Variants in ROBO1 observed in about 807,000 individuals in gnomAD.
ROBO1 encodes the protein roundabout homolog 1.
A neutral mutation model predicts 195.9 loss-of-function variants in ROBO1; 149 were observed. That is an observed-to-expected ratio of 0.76 (90% CI 0.67 to 0.87). The LOEUF (loss-of-function observed/expected upper bound fraction) is 0.87, where lower values mean the gene tolerates loss of function less well. Ranked by LOEUF, ROBO1 falls within the 40% of genes least tolerant of loss-of-function variation. The pLI, the probability that ROBO1 is intolerant of heterozygous loss-of-function variation, is 0.00. For missense variants in ROBO1, 1,933 were observed against 2,068.3 expected (o/e 0.93, Z 1.27); for synonymous variants, 816 against 733.2 (o/e 1.11, Z -1.82).
chr3:79,441,675 T>C (rs1318503042), intron 2 of ROBO1, among the ~76,000 whole-genome samples: 1 of 152,102 alleles, frequency 6.6e-6, no homozygotes, highest in Non-Finnish European at 1.5e-5. Flanking sequence ...TTAGATATAA[T>C]GATATGACTC....
At chr3:79,494,902 C>T (rs1010889387) in intron 2 of ROBO1, among the ~76,000 whole-genome samples, 1 of 152,078 alleles carries the variant, frequency 6.6e-6, no homozygotes, top group Non-Finnish European at 1.5e-5. Context: ...GGGAGGCTTC[C>T]GATAATGATC....
intron 2 of ROBO1, among the ~76,000 whole-genome samples, chr3:79,327,684 T>C (rs2034267882): frequency 6.6e-6 from 1 of 152,144 alleles, no homozygotes; most frequent in African/African-American, 2.4e-5. Flanking sequence ...TTTGTGTGTG[T>C]ATTTCAAGCA....
intron 1 of ROBO1, among the ~76,000 whole-genome samples, chr3:79,738,018 G>A (rs1167694967): frequency 1.3e-5 from 2 of 152,122 alleles, no homozygotes; most frequent in Non-Finnish European, 2.9e-5. Context: ...CCTTTGAGGA[G>A]TGACAATGTA....
At chr3:79,711,176 A>G (rs888722195) in intron 1 of ROBO1, among the ~76,000 whole-genome samples, 5 of 152,150 alleles carry the variant, frequency 3.3e-5, no homozygotes, top group Non-Finnish European at 5.9e-5. Flanking sequence ...TCTTGCACTT[A>G]GTTTGACCTC....
At chr3:78,709,384 G>A (rs1275529939) in intron 8 of ROBO1, among the ~76,000 whole-genome samples, 1 of 151,910 alleles carries the variant, frequency 6.6e-6, no homozygotes. Flanking sequence ...CAAGTTAAAG[G>A]AATCAGGATA....
At chr3:78,682,933 G>A (rs1407328565) in intron 10 of ROBO1, among the ~76,000 whole-genome samples, 2 of 151,542 alleles carry the variant, frequency 1.3e-5, no homozygotes, top group Admixed American at 6.6e-5. Context: ...TGTTTCAGCT[G>A]CACATAAAAA....
chr3:79,731,353 G>A (rs547924716), intron 1 of ROBO1, among the ~76,000 whole-genome samples: 2 of 152,240 alleles, frequency 1.3e-5, no homozygotes, highest in Admixed American at 1.3e-4. Flanking sequence ...CATCTGTAAA[G>A]CATGTAAAGT....
intron 26 of ROBO1, among the ~76,000 whole-genome samples, chr3:78,626,070 A>C (rs1704757646): frequency 6.6e-6 from 1 of 152,170 alleles, no homozygotes; most frequent in Admixed American, 6.5e-5. Flanking sequence ...AGAGCTAGCC[A>C]GAAAGAAAAT....
At position 79,098,160 on chromosome 3, in the gene ROBO1, A is replaced by T. The variant is rs144199513; in HGVS notation, c.172+27296T>A. On this transcript the variant is annotated intron_variant, in intron 3 of 30. Transcript: ENST00000464233. The stretch of plus-strand genomic sequence containing the variant: ...CACAGATGAGATTTATAGGCTGAGG[A>T]ATGACCCATATGTCTGCTCACTTTC... Among the ~76,000 whole-genome samples, 588 of 151,934 alleles carry T rather than the reference A, an allele frequency of 3.9e-3. 2 individuals carry two copies. Among genetic ancestry groups the T allele is most frequent in the Non-Finnish European group, 5.9e-3 (398 of 67,838 alleles).
In ROBO1 at chr3:78,953,000, T is replaced by C. The variant is rs528689045; in HGVS notation, c.173-14073A>G. On this transcript the variant is annotated intron_variant, in intron 3 of 30. Transcript: ENST00000464233. The stretch of plus-strand genomic sequence containing the variant: ...TTCCAGGAGTGAATGCCTGGTGTTT[T>C]TGTAATATTCCTAAAGAATCTAATA... Among the ~76,000 whole-genome samples, 315 of 152,164 alleles carry C rather than the reference T, an allele frequency of 2.1e-3. 1 individual carries two copies. The highest frequency in any genetic ancestry group is 7.4e-3 in the African/African-American group (307 of 41,552).
At chr3:78,656,803 T>C (rs1707054932) in intron 18 of ROBO1, among the ~76,000 whole-genome samples, 2 of 152,216 alleles carry the variant, frequency 1.3e-5, no homozygotes, top group Admixed American at 6.5e-5. Flanking sequence ...ACATTGAATA[T>C]TGACAACCTT....
chr3:78,898,140 C>CATAT (rs759399986), intron 4 of ROBO1, among the ~76,000 whole-genome samples: 55 of 145,652 alleles, frequency 3.8e-4, no homozygotes, highest in Middle Eastern at 3.7e-3. Context: ...AGTTCTAAAA[C>CATAT]ATATATATAT....
At chr3:78,780,775 CT>C (rs1165470246) in intron 4 of ROBO1, among the ~76,000 whole-genome samples, 1 of 152,096 alleles carries the variant, frequency 6.6e-6, no homozygotes, top group African/African-American at 2.4e-5. Flanking sequence ...TTCATTTCTG[CT>C]GCTTCTCCTC....
chr3:78,733,399 G>GC (rs984658571), intron 5 of ROBO1, among the ~76,000 whole-genome samples: 1 of 150,026 alleles, frequency 6.7e-6, no homozygotes, highest in African/African-American at 2.4e-5. Flanking sequence ...TGTACTATTT[G>GC]TTTTTTTTTA....
intron 3 of ROBO1, among the ~76,000 whole-genome samples, chr3:79,069,743 A>G (rs2079056726): frequency 6.6e-6 from 1 of 151,914 alleles, no homozygotes; most frequent in African/African-American, 2.4e-5. Context: ...TAAGTTTCTT[A>G]TCCTTTCTGT....
intron 4 of ROBO1, among the ~76,000 whole-genome samples, chr3:78,877,012 C>T (rs528253386): frequency 3.9e-5 from 6 of 152,174 alleles, no homozygotes; most frequent in African/African-American, 9.6e-5. Context: ...AATCTCTGCA[C>T]ATTCAATAGG....
At chr3:79,707,317 T>C (rs1181176839) in intron 1 of ROBO1, among the ~76,000 whole-genome samples, 1 of 152,176 alleles carries the variant, frequency 6.6e-6, no homozygotes, top group Non-Finnish European at 1.5e-5. Context: ...ATTATCCTTT[T>C]AATCTCCACA....
At chr3:78,855,801 T>C (rs1438635587) in intron 4 of ROBO1, among the ~76,000 whole-genome samples, 1 of 152,050 alleles carries the variant, frequency 6.6e-6, no homozygotes, top group African/African-American at 2.4e-5. Flanking sequence ...AAAATCCTAA[T>C]ATGAACAAAG....
chr3:79,293,930 C>A (rs536689273), intron 2 of ROBO1, among the ~76,000 whole-genome samples: 1 of 150,054 alleles, frequency 6.7e-6, no homozygotes, highest in Non-Finnish European at 1.5e-5. Flanking sequence ...TGGTAGCGGG[C>A]GCCTGTAGTC....
Sources: allele counts gnomAD v4.1 joint callset (sites outside exome capture counted in the v4.1 genomes callset), GRCh38; gene constraint gnomAD v4.1.1; transcripts MANE v1.5; gene names NCBI Gene and HGNC (gene_info 2026-07-23, HGNC 2026-07-21).